GRM5: variants seen among roughly 807,000 people sequenced by gnomAD.
The protein encoded by GRM5 is glutamate metabotropic receptor 5.
GRM5 carries 19 observed loss-of-function variants against 83.1 expected under a neutral mutation model. The observed-to-expected ratio is 0.23, with a 90% CI of 0.16 to 0.34. GRM5 has a LOEUF of 0.34. Among genes scored for constraint, GRM5 ranks in the 10% least tolerant of loss-of-function variants. The pLI is 1.00. For synonymous variants in GRM5, 675 were observed against 633.6 expected (o/e 1.07, Z -0.98); for missense variants, 1,160 against 1,588.3 (o/e 0.73, Z 4.58).
intron 2 of GRM5, among the ~76,000 whole-genome samples, chr11:88,944,064 C>T (rs977684857): frequency 9.2e-5 from 14 of 152,030 alleles, no homozygotes; most frequent in African/African-American, 1.7e-4. Context: ...TTGCCTAAAG[C>T]GAGATGCATT....
At chr11:88,525,206 T>G in intron 9 of GRM5, 103 bp downstream of exon 9, 18 of 728,308 alleles carry the variant, frequency 2.5e-5, no homozygotes, top group Non-Finnish European at 4.0e-5. Context: ...ACACACTGTA[T>G]GAGTTGCACA....
At chr11:88,693,432 C>G (rs559016198) in intron 3 of GRM5, among the ~76,000 whole-genome samples, 2 of 152,264 alleles carry the variant, frequency 1.3e-5, no homozygotes, top group African/African-American at 4.8e-5. Context: ...TTTGGGCAGC[C>G]TCTCAAACAG....
At chr11:88,869,661 C>A (rs1313026747) in intron 2 of GRM5, among the ~76,000 whole-genome samples, 1 of 151,456 alleles carries the variant, frequency 6.6e-6, no homozygotes, top group East Asian at 1.9e-4. Flanking sequence ...GCTCATCGGG[C>A]CTTTTGCTTA....
intron 2 of GRM5, among the ~76,000 whole-genome samples, chr11:88,924,703 G>A (rs913289338): frequency 5.3e-5 from 8 of 151,918 alleles, no homozygotes; most frequent in South Asian, 2.1e-4. Context: ...TTGCAGCTAC[G>A]TAAAATGAAT....
At chr11:88,992,862 T>C (rs1449004797) in intron 2 of GRM5, among the ~76,000 whole-genome samples, 1 of 69,644 alleles carries the variant, frequency 1.4e-5, no homozygotes. Context: ...CACCGGGGCC[T>C]GTCGTGGGGT....
At chr11:89,065,286 T>TCA (rs71046278) in intron 1 of GRM5, among the ~76,000 whole-genome samples, 5,047 of 147,406 alleles carry the variant, frequency 0.034, 219 homozygotes, top group African/African-American at 0.1. Flanking sequence ...TGTATTGGCA[T>TCA]CACACACACA....
At chr11:89,052,270 G>A (rs954631878) in intron 1 of GRM5, among the ~76,000 whole-genome samples, 1 of 152,094 alleles carries the variant, frequency 6.6e-6, no homozygotes, top group African/African-American at 2.4e-5. Context: ...TATTTAGAAT[G>A]CATGAAATCG....
chr11:88,701,969 A>G (rs147601904), intron 3 of GRM5, among the ~76,000 whole-genome samples: 16 of 152,104 alleles, frequency 1.1e-4, no homozygotes, highest in African/African-American at 3.1e-4. Context: ...CATGATCTCT[A>G]TTCTAACATT....
At chr11:88,709,161 C>T (rs1199692287) in intron 3 of GRM5, among the ~76,000 whole-genome samples, 6 of 152,012 alleles carry the variant, frequency 3.9e-5, no homozygotes, top group East Asian at 3.9e-4. Context: ...AGAAAAAGCA[C>T]TCCAAAGGAG....
chr11:88,740,935 C>T (rs779121670), intron 3 of GRM5, among the ~76,000 whole-genome samples: 2 of 152,024 alleles, frequency 1.3e-5, no homozygotes, highest in Non-Finnish European at 2.9e-5. Context: ...TACCAGAATA[C>T]GGTCCCATCA....
At chr11:88,587,259 G>C (rs1000220491) in intron 7 of GRM5, among the ~76,000 whole-genome samples, 1 of 152,112 alleles carries the variant, frequency 6.6e-6, no homozygotes, top group African/African-American at 2.4e-5. Context: ...AGTAACACCT[G>C]AACAGAGTAA....
At chr11:88,880,363 A>C (rs1944932388) in intron 2 of GRM5, among the ~76,000 whole-genome samples, 1 of 152,076 alleles carries the variant, frequency 6.6e-6, no homozygotes, top group Admixed American at 6.6e-5. Flanking sequence ...GTGAGTAAAA[A>C]CTGTACATTT....
At chr11:88,937,065 G>A (rs1380625131) in intron 2 of GRM5, among the ~76,000 whole-genome samples, 37 of 151,520 alleles carry the variant, frequency 2.4e-4, no homozygotes, top group Non-Finnish European at 1.5e-5. Flanking sequence ...GCATTGTTGA[G>A]AGTAATTTAA....
intron 3 of GRM5, among the ~76,000 whole-genome samples, chr11:88,722,362 G>A (rs937793318): frequency 5.3e-5 from 8 of 152,120 alleles, no homozygotes; most frequent in African/African-American, 1.7e-4. Flanking sequence ...TGAGCTTTCT[G>A]ACACAACTCC....
At chr11:88,902,502 A>G (rs1224929538) in intron 2 of GRM5, among the ~76,000 whole-genome samples, 1 of 152,154 alleles carries the variant, frequency 6.6e-6, no homozygotes, top group Non-Finnish European at 1.5e-5. Flanking sequence ...AAGAAAATGA[A>G]TGTACTTATT....
intron 2 of GRM5, among the ~76,000 whole-genome samples, chr11:88,961,218 C>T (rs1193979002): frequency 3.3e-5 from 5 of 152,176 alleles, no homozygotes; most frequent in African/African-American, 9.7e-5. Context: ...CATATATGAA[C>T]TCACTGTTTT....
intron 9 of GRM5, among the ~76,000 whole-genome samples, chr11:88,522,355 T>C (rs1157988815): frequency 1.3e-5 from 2 of 152,188 alleles, no homozygotes; most frequent in African/African-American, 4.8e-5. Flanking sequence ...CCATCACAGT[T>C]ATCTCCTCTC....
intron 3 of GRM5, among the ~76,000 whole-genome samples, chr11:88,670,431 C>G (rs139394314): frequency 4.7e-4 from 72 of 151,640 alleles, no homozygotes; most frequent in Non-Finnish European, 8.8e-4. Context: ...CGAAAGACAC[C>G]ACTAATTGAA....
At chr11:89,000,886 C>T (rs1940354954) in intron 2 of GRM5, among the ~76,000 whole-genome samples, 3 of 151,592 alleles carry the variant, frequency 2.0e-5, no homozygotes, top group Non-Finnish European at 2.9e-5. Flanking sequence ...AGTATATGGG[C>T]AAAGTCCTGG....
Sources: gnomAD v4.1 joint callset for allele counts (sites outside exome capture counted in the v4.1 genomes callset) on GRCh38, gnomAD v4.1.1 for gene constraint, MANE v1.5 for transcripts, NCBI Gene and HGNC (gene_info 2026-07-23, HGNC 2026-07-21) for gene names.